The following KAZN variants were observed in gnomAD, a reference collection of about 807,000 sequenced individuals.
The protein encoded by KAZN is kazrin, periplakin interacting protein, also known as kazrin.
In KAZN, 40 loss-of-function variants were observed where a neutral mutation model predicts 87.4. The observed-to-expected ratio is 0.46, with a 90% CI of 0.36 to 0.60. KAZN has a LOEUF of 0.60. Among genes scored for constraint, KAZN ranks in the 20% least tolerant of loss-of-function variants. The pLI is 0.00. For synonymous variants in KAZN, 466 were observed against 458.3 expected (o/e 1.02, Z -0.22); for missense variants, 898 against 1,073.9 (o/e 0.84, Z 2.29).
At chr1:14,857,917 C>A (rs1446349960) in intron 1 of KAZN, among the ~76,000 whole-genome samples, 1 of 152,110 alleles carries the variant, frequency 6.6e-6, no homozygotes, top group African/African-American at 2.4e-5. Flanking sequence ...ATTTTCATCA[C>A]CCCCAAAAGA....
At chr1:15,069,902 C>T (rs1639430392) in intron 8 of KAZN, among the ~76,000 whole-genome samples, 1 of 152,160 alleles carries the variant, frequency 6.6e-6, no homozygotes, top group Non-Finnish European at 1.5e-5. Flanking sequence ...ACAGCTGTAA[C>T]CAATAATAAC....
chr1:14,938,010 G>A (rs1660644676), intron 1 of KAZN, among the ~76,000 whole-genome samples: 1 of 152,152 alleles, frequency 6.6e-6, no homozygotes, highest in Non-Finnish European at 1.5e-5. Flanking sequence ...GTGTAGAACA[G>A]GCTCCCCTCA....
At chr1:15,089,349 A>G (rs948755307) in intron 8 of KAZN, among the ~76,000 whole-genome samples, 3 of 136,428 alleles carry the variant, frequency 2.2e-5, no homozygotes, top group African/African-American at 8.5e-5. Flanking sequence ...TGAGAGCCCC[A>G]CCCCTCCCAC....
At chr1:14,379,458 C>A (rs554240082) in intron 2 of KAZN, among the ~76,000 whole-genome samples, 1 of 152,188 alleles carries the variant, frequency 6.6e-6, no homozygotes, top group South Asian at 2.1e-4. Context: ...TGATTTCAGG[C>A]CTTGGCTCTT....
intron 2 of KAZN, among the ~76,000 whole-genome samples, chr1:14,588,408 C>T (rs554057111): frequency 3.3e-5 from 5 of 152,174 alleles, no homozygotes; most frequent in African/African-American, 7.2e-5. Flanking sequence ...TGAATTAAAA[C>T]GCTAGCAACA....
rs774242106 is a variant in KAZN at position 14,599,021 on chromosome 1, C to T, written c.24C>T (p.Leu8=). The change falls in exon 1 of 15, where the codon CTC becomes CTT. Residue 8 remains leucine (L), a synonymous_variant. Coordinates refer to ENST00000376030, the MANE Select transcript of KAZN (RefSeq NM_201628.3). This position sits in a 1 kb window ranked among gnomAD's most constrained non-coding sequence, Gnocchi z 4.4. ...GCATGATGGAAGACAATAAGCAGCT[C>T]GCGCTCCGCATCGATGGGGCGGTCC... is the stretch of plus-strand genomic sequence containing the variant. MMEDNKQ[L]ALRIDGAVQS... 37 of 1,570,410 alleles carry T rather than the reference C, an allele frequency of 2.4e-5. 2 individuals are homozygous for T. The South Asian group carries it at 4.2e-4, about 18-fold the overall frequency.
At chr1:14,530,875 A>T (rs1468130834) in intron 2 of KAZN, among the ~76,000 whole-genome samples, 1 of 152,144 alleles carries the variant, frequency 6.6e-6, no homozygotes, top group Non-Finnish European at 1.5e-5. Flanking sequence ...ACTTGAACCC[A>T]GGAATTTGAG....
chr1:13,941,356 T>C (rs979260651), intron 1 of KAZN, among the ~76,000 whole-genome samples: 14 of 152,190 alleles, frequency 9.2e-5, no homozygotes, highest in African/African-American at 3.4e-4. Flanking sequence ...GAATCTACTA[T>C]GTGCTGGAGA....
At chr1:14,169,044 A>C (rs1278969126) in intron 1 of KAZN, among the ~76,000 whole-genome samples, 1 of 152,204 alleles carries the variant, frequency 6.6e-6, no homozygotes, top group Non-Finnish European at 1.5e-5. Context: ...TGAGAAATAA[A>C]AGGCATTTGT....
At chr1:14,705,611 A>C (rs567129902) in intron 1 of KAZN, among the ~76,000 whole-genome samples, 1 of 152,340 alleles carries the variant, frequency 6.6e-6, no homozygotes, top group East Asian at 1.9e-4. Flanking sequence ...AAAAAGAATG[A>C]AATCCTGCCA....
chr1:14,652,251 G>A (rs1391874227), intron 1 of KAZN, among the ~76,000 whole-genome samples: 3 of 152,108 alleles, frequency 2.0e-5, no homozygotes, highest in African/African-American at 4.8e-5. Context: ...ACAACTGGAG[G>A]CATCCCTGAA....
chr1:14,064,041 G>T (rs183844543), intron 1 of KAZN, among the ~76,000 whole-genome samples: 1 of 151,992 alleles, frequency 6.6e-6, no homozygotes, highest in East Asian at 1.9e-4. Context: ...TCAGCCTCCC[G>T]AGTAGCTGGG....
At chr1:14,480,927 A>G (rs1557749411) in intron 2 of KAZN, among the ~76,000 whole-genome samples, 1 of 148,150 alleles carries the variant, frequency 6.7e-6, no homozygotes, top group Non-Finnish European at 1.5e-5. Flanking sequence ...ATAATATATT[A>G]ATAGAATATA....
chr1:13,935,252 G>GTAGTAATAATAATAATAA (rs1553175647), intron 1 of KAZN, among the ~76,000 whole-genome samples: 2,676 of 147,044 alleles, frequency 0.018, 30 homozygotes, highest in Non-Finnish European at 0.028. Flanking sequence ...AGTAGTAGTA[G>GTAGTAATAATAATAATAA]TAATAATAAT....
rs531075772 is a variant in KAZN, at chr1:14,235,908, G to A, written c.249+55316G>A. On this transcript the variant is annotated intron_variant, in intron 2 of 16. Coordinates refer to the KAZN transcript ENST00000636203. ...TGTACAGGCACAGGAGCAGCTTTTT[G>A]GGTTGTGTTTGTTTTGTCTCATGCA... Among the ~76,000 whole-genome samples the A allele has an allele frequency of 1.5e-4, 23 of 152,182 alleles. No homozygotes were observed. In the East Asian group the frequency reaches 3.7e-3, roughly 24 times the overall value.
At chr1:14,039,612 A>G (rs572412154) in intron 1 of KAZN, among the ~76,000 whole-genome samples, 247 of 152,276 alleles carry the variant, frequency 1.6e-3, no homozygotes, top group African/African-American at 5.7e-3. Flanking sequence ...TTATATTTAA[A>G]ACTTTTATTT....
At chr1:14,898,411 G>A (rs538395199) in intron 1 of KAZN, among the ~76,000 whole-genome samples, 7 of 152,284 alleles carry the variant, frequency 4.6e-5, no homozygotes, top group South Asian at 4.1e-4. Flanking sequence ...TGGCAAGAGC[G>A]AGATACAGTC....
At position 15,114,715 on chromosome 1, in the gene KAZN, C is replaced by A; in HGVS notation, c.*80C>A. On this transcript the variant is annotated 3_prime_UTR_variant, in exon 15 of 15. Transcript: ENST00000376030. The stretch of plus-strand genomic sequence containing the variant: ...CAGATGGCCCCAGGTGTCGTTCTCA[C>A]TGTACATAGCGGCCGCAGGCTGAGG... The A allele has an allele frequency of 7.2e-7, 1 of 1,386,006 alleles. No individual in the cohort carries two copies. Among genetic ancestry groups the A allele is most frequent in the Non-Finnish European group, 9.8e-7 (1 of 1,024,904 alleles). The allele number at this position is 1,386,006 out of a possible 1,614,324, so 85.9% of individuals were successfully genotyped here.
chr1:14,472,606 A>G (rs1019392290), intron 2 of KAZN, among the ~76,000 whole-genome samples: 1 of 151,932 alleles, frequency 6.6e-6, no homozygotes, highest in African/African-American at 2.4e-5. Context: ...AAAACAGAAT[A>G]TTAATGAGCA....
Sources: allele counts gnomAD v4.1 joint callset (sites outside exome capture counted in the v4.1 genomes callset), GRCh38; gene constraint gnomAD v4.1.1; non-coding constraint Gnocchi (gnomAD v3.1); transcripts MANE v1.5; gene names NCBI Gene and HGNC (gene_info 2026-07-23, HGNC 2026-07-21).